DIP2C: variants seen among roughly 807,000 people sequenced by gnomAD.
The protein encoded by DIP2C is DIP2 acetate--CoA ligase C (putative), also known as disco-interacting protein 2 homolog C.
DIP2C carries 33 observed loss-of-function variants against 192.4 expected under a neutral mutation model. The observed-to-expected ratio is 0.17, with a 90% CI of 0.13 to 0.23. The LOEUF (loss-of-function observed/expected upper bound fraction) is 0.23. Among genes scored for constraint, DIP2C ranks in the 10% least tolerant of loss-of-function variants. DIP2C has a pLI of 1.00. For missense variants in DIP2C, 1,537 were observed against 2,110.1 expected (o/e 0.73, Z 5.32); for synonymous variants, 979 against 864.1 (o/e 1.13, Z -2.33).
intron 3 of DIP2C, among the ~76,000 whole-genome samples, chr10:450,630 C>A (rs1968774227): frequency 6.6e-6 from 1 of 152,210 alleles, no homozygotes; most frequent in Non-Finnish European, 1.5e-5. Context: ...AGAGACAGAG[C>A]TCCACGCATG....
intron 1 of DIP2C, among the ~76,000 whole-genome samples, chr10:526,236 T>A (rs1847043214): frequency 6.6e-6 from 1 of 151,894 alleles, no homozygotes; most frequent in African/African-American, 2.4e-5. Flanking sequence ...TGGTTTCCAC[T>A]CTGAACGTCC....
chr10:576,291 C>T (rs1175159140), intron 1 of DIP2C, among the ~76,000 whole-genome samples: 2 of 152,318 alleles, frequency 1.3e-5, no homozygotes, highest in East Asian at 1.9e-4. Flanking sequence ...AGGCAAACGC[C>T]ACAGACCACA....
intron 1 of DIP2C, among the ~76,000 whole-genome samples, chr10:584,213 TC>T (rs1404563958): frequency 1.3e-5 from 2 of 152,108 alleles, no homozygotes; most frequent in African/African-American, 4.8e-5. Flanking sequence ...ACACCAATAC[TC>T]CCCTATTCAA....
intron 1 of DIP2C, among the ~76,000 whole-genome samples, chr10:676,785 AG>A (rs556224029): frequency 3.3e-5 from 5 of 152,134 alleles, no homozygotes; most frequent in African/African-American, 7.2e-5. Context: ...GAGACAGGAA[AG>A]GGTGGCGGGA....
intron 1 of DIP2C, among the ~76,000 whole-genome samples, chr10:588,286 C>CCA (rs1384725788): frequency 6.6e-6 from 1 of 152,246 alleles, no homozygotes; most frequent in Non-Finnish European, 1.5e-5. Flanking sequence ...AACCCCACAT[C>CCA]CACACCAGCC....
At chr10:685,898 T>G (rs1338862569) in intron 1 of DIP2C, among the ~76,000 whole-genome samples, 1 of 151,916 alleles carries the variant, frequency 6.6e-6, no homozygotes, top group Non-Finnish European at 1.5e-5. Context: ...GAGGCGGAGG[T>G]TGCAGTGAGT....
chr10:392,878 T>C (rs558009845), intron 10 of DIP2C, among the ~76,000 whole-genome samples: 1 of 98,622 alleles, frequency 1.0e-5, no homozygotes, highest in African/African-American at 4.0e-5. Context: ...CACTCAACAC[T>C]CACACACACG....
intron 4 of DIP2C, among the ~76,000 whole-genome samples, chr10:425,782 C>T (rs1022154502): frequency 7.9e-5 from 12 of 152,160 alleles, no homozygotes; most frequent in Non-Finnish European, 1.8e-4. Flanking sequence ...GGAGTAGAAC[C>T]GCATGTTAAC....
chr10:281,831 T>C (rs1162042860), intron 35 of DIP2C, among the ~76,000 whole-genome samples: 1 of 152,226 alleles, frequency 6.6e-6, no homozygotes, highest in Non-Finnish European at 1.5e-5. Flanking sequence ...CTCTTGTTCA[T>C]GAACATTTCC....
At chr10:681,207 C>A (rs1399136912) in intron 1 of DIP2C, among the ~76,000 whole-genome samples, 1 of 151,068 alleles carries the variant, frequency 6.6e-6, no homozygotes, top group Non-Finnish European at 1.5e-5. Context: ...CTACATGGTA[C>A]AGCCACCATC....
intron 1 of DIP2C, among the ~76,000 whole-genome samples, chr10:660,074 G>A (rs1447097815): frequency 3.3e-5 from 5 of 152,260 alleles, no homozygotes; most frequent in African/African-American, 1.2e-4. Flanking sequence ...GACGTCAGCA[G>A]AGCAGGTCGC....
chr10:588,583 C>T (rs973025776), intron 1 of DIP2C, among the ~76,000 whole-genome samples: 3 of 152,196 alleles, frequency 2.0e-5, no homozygotes, highest in African/African-American at 4.8e-5. Context: ...TAACAGAGGT[C>T]CCGGCAGAGG....
intron 1 of DIP2C, among the ~76,000 whole-genome samples, chr10:548,217 C>T (rs887352475): frequency 7.7e-6 from 1 of 129,732 alleles, no homozygotes. Flanking sequence ...CACCCCCCCC[C>T]CCACAGGAAA....
chr10:541,871 T>TCG (rs150700823), intron 1 of DIP2C, among the ~76,000 whole-genome samples: 1 of 152,256 alleles, frequency 6.6e-6, no homozygotes, highest in East Asian at 1.9e-4. Flanking sequence ...CACCTGTCTC[T>TCG]CGGCCCCCCT....
chr10:418,312 C>A (rs1364924568), intron 6 of DIP2C, among the ~76,000 whole-genome samples: 2 of 150,658 alleles, frequency 1.3e-5, no homozygotes, highest in Non-Finnish European at 3.0e-5. Context: ...TCGGATAGGC[C>A]TCCCTGTCCA....
At chr10:677,981 A>G (rs1339278208) in intron 1 of DIP2C, among the ~76,000 whole-genome samples, 6 of 152,236 alleles carry the variant, frequency 3.9e-5, no homozygotes, top group African/African-American at 1.2e-4. Context: ...AAGAATGCCC[A>G]TGTCATGAGC....
At chr10:423,242 A>C (rs979679625) in intron 4 of DIP2C, among the ~76,000 whole-genome samples, 1 of 152,178 alleles carries the variant, frequency 6.6e-6, no homozygotes, top group African/African-American at 2.4e-5. Context: ...ACCTTATATA[A>C]ACATGCTATA....
chr10:483,107 C>T (rs906238743), intron 2 of DIP2C, among the ~76,000 whole-genome samples: 5 of 152,176 alleles, frequency 3.3e-5, no homozygotes, highest in Non-Finnish European at 5.9e-5. Context: ...GCAGCTGGGA[C>T]GTGCCTGGCT....
rs56666792 is a variant in DIP2C, at chr10:330,664, T to TC, written c.3585-1064dup. Reference sequence around the variant, plus strand: ...CCACCATGCTTGTTTTTTTTTTTTTTCAGTGGTAGGGTCTATGTTGCCTAG... The same window carrying TC: ...CCACCATGCTTGTTTTTTTTTTTTTTCCAGTGGTAGGGTCTATGTTGCCTAG... On this transcript the variant is annotated intron_variant, in intron 29 of 36. Coordinates refer to ENST00000280886, the MANE Select transcript of DIP2C (RefSeq NM_014974.3). Among the ~76,000 whole-genome samples the TC allele has an allele frequency of 5.3e-5, 8 of 151,454 alleles. No homozygotes were observed. In the South Asian group the frequency reaches 1.3e-3, roughly 24 times the overall value.
Sources: gnomAD v4.1 joint callset for allele counts (sites outside exome capture counted in the v4.1 genomes callset) on GRCh38, gnomAD v4.1.1 for gene constraint, MANE v1.5 for transcripts, NCBI Gene and HGNC (gene_info 2026-07-23, HGNC 2026-07-21) for gene names.